The following RELCH variants were observed in gnomAD, a reference collection of about 807,000 sequenced individuals.
RELCH encodes RAB11-binding protein RELCH.
In RELCH, 41 loss-of-function variants were observed where a neutral mutation model predicts 150.3. The ratio of observed to expected loss-of-function variants is 0.27; its 90% CI spans 0.21 to 0.35. The LOEUF (loss-of-function observed/expected upper bound fraction) is 0.35, where lower values mean the gene tolerates loss of function less well. Among genes scored for constraint, RELCH ranks in the 10% least tolerant of loss-of-function variants. The probability of loss-of-function intolerance (pLI) is 1.00; values close to 1 mark genes in which losing one functional copy is unlikely to be tolerated. For synonymous variants in RELCH, 478 were observed against 531.8 expected (o/e 0.90, Z 1.39); for missense variants, 1,092 against 1,467.8 (o/e 0.74, Z 4.18).
Position 62,287,449 on chromosome 18 carries a change from A to G in RELCH, c.3352A>G (p.Ser1118Gly), listed in dbSNP as rs373756962. The G allele has an allele frequency of 1.5e-5, 24 of 1,581,794 alleles. No homozygotes were observed. Among genetic ancestry groups the G allele is most frequent in the Non-Finnish European group, 1.9e-5 (22 of 1,152,176 alleles). ...TGCTACGCATCTTTTTGAAGCCTAC[A>G]GTGCACTTTCCTGTTGTTGTATCCT... The part of the protein sequence containing the change: ...DIATHLFEAY[S>G]ALSCCFISED... Residue 1118 changes from serine to glycine, a missense_variant, in exon 26 of 29, where the codon AGT (serine) becomes GGT (glycine). Around this residue, in one of 4 missense-constraint regions of RELCH, gnomAD observed 707 missense variants for 1,025.4 expected, o/e 0.69. Coordinates refer to ENST00000644646, the MANE Select transcript of RELCH (RefSeq NM_001346231.2).
At chr18:62,264,205 C>A in intron 17 of RELCH, 60 bp downstream of exon 17, 1 of 1,397,450 alleles carries the variant, frequency 7.2e-7, no homozygotes, top group Non-Finnish European at 9.7e-7. Context: ...TAGCCTTGGC[C>A]CTAAGAACAA....
chr18:62,239,325 G>A (rs2042025876), intron 10 of RELCH, among the ~76,000 whole-genome samples: 1 of 151,148 alleles, frequency 6.6e-6, no homozygotes, highest in Non-Finnish European at 1.5e-5. Flanking sequence ...ACAGAGGTGA[G>A]TAATCTTTTT....
At chr18:62,235,926 A>C (rs1344588057) in intron 10 of RELCH, among the ~76,000 whole-genome samples, 1 of 152,044 alleles carries the variant, frequency 6.6e-6, no homozygotes, top group Admixed American at 6.6e-5. Context: ...TCTTCTTTAC[A>C]ATATAGATGG....
chr18:62,279,625 C>T, intron 22 of RELCH, 149 bp from the exon 23 acceptor site: 1 of 573,382 alleles, frequency 1.7e-6, no homozygotes, highest in Non-Finnish European at 3.1e-6. Flanking sequence ...GTAAAGCACT[C>T]TAGCAGCAGT....
chr18:62,283,820 A>G lies in RELCH; in HGVS notation c.3253+1376A>G, dbSNP rs73462481. On this transcript the variant is annotated intron_variant, in intron 25 of 28. Transcript: ENST00000644646. The stretch of plus-strand genomic sequence containing the variant: ...TAGTTGCTCTGAGGCAAGGAGACCA[A>G]CTCTTGGCTGCTGGATTAAAGGATA... Among the ~76,000 whole-genome samples, 397 of 152,184 alleles carry G rather than the reference A, an allele frequency of 2.6e-3. 1 individual carries two copies. The highest frequency in any genetic ancestry group is 8.2e-3 in the African/African-American group (340 of 41,500).
At chr18:62,273,948 G>T in intron 20 of RELCH, 32 bp from the exon 21 acceptor site, 1 of 1,316,378 alleles carries the variant, frequency 7.6e-7, no homozygotes, top group South Asian at 1.2e-5. Flanking sequence ...TTGATTGTTT[G>T]GAAATTCAGT....
intron 25 of RELCH, among the ~76,000 whole-genome samples, chr18:62,283,525 C>G (rs563853496): frequency 6.6e-6 from 1 of 152,252 alleles, no homozygotes; most frequent in East Asian, 1.9e-4. Context: ...GCATATGACT[C>G]TTTAAGATAA....
At chr18:62,276,528 G>A (rs1260062062) in intron 22 of RELCH, among the ~76,000 whole-genome samples, 1 of 151,746 alleles carries the variant, frequency 6.6e-6, no homozygotes, top group Non-Finnish European at 1.5e-5. Context: ...AACTAAAATT[G>A]CCCCAATATT....
intron 27 of RELCH, among the ~76,000 whole-genome samples, chr18:62,297,774 T>C (rs1422376404): frequency 6.6e-6 from 1 of 152,182 alleles, no homozygotes; most frequent in African/African-American, 2.4e-5. Flanking sequence ...CTTCTTTCCT[T>C]AGGACATGGC....
chr18:62,262,156 T>C (rs943656243), intron 16 of RELCH, among the ~76,000 whole-genome samples: 1 of 152,102 alleles, frequency 6.6e-6, no homozygotes, highest in African/African-American at 2.4e-5. Flanking sequence ...TTTGTGTTTT[T>C]CCAAAGAAGA....
intron 27 of RELCH, among the ~76,000 whole-genome samples, chr18:62,296,288 T>C (rs1189375906): frequency 6.6e-6 from 1 of 152,188 alleles, no homozygotes; most frequent in Non-Finnish European, 1.5e-5. Flanking sequence ...GAAAGACGCG[T>C]TGAAAGTTAC....
intron 1 of RELCH, among the ~76,000 whole-genome samples, chr18:62,209,793 G>C (rs1486811717): frequency 6.6e-6 from 1 of 151,900 alleles, no homozygotes; most frequent in Admixed American, 6.6e-5. Flanking sequence ...TAATTTCTTT[G>C]GACAATGTTT....
intron 27 of RELCH, among the ~76,000 whole-genome samples, chr18:62,295,023 T>G (rs539871230): frequency 6.6e-6 from 1 of 152,338 alleles, no homozygotes; most frequent in South Asian, 2.1e-4. Context: ...AGTTGTCTTG[T>G]TTAAAAGTCC....
chr18:62,255,546 C>G, intron 13 of RELCH, 68 bp downstream of exon 13: 1 of 1,113,060 alleles, frequency 9.0e-7, no homozygotes, highest in Middle Eastern at 2.0e-4. Context: ...TTTTGAGTGT[C>G]TTATAGATTT....
At chr18:62,215,280 T>G (rs780669407) in intron 2 of RELCH, among the ~76,000 whole-genome samples, 3 of 152,114 alleles carry the variant, frequency 2.0e-5, no homozygotes, top group East Asian at 1.9e-4. Context: ...AGAAGAAGAA[T>G]AAAGAGACAT....
chr18:62,234,672 A>C (rs896432817), intron 10 of RELCH, among the ~76,000 whole-genome samples: 2 of 151,974 alleles, frequency 1.3e-5, no homozygotes, highest in African/African-American at 4.8e-5. Context: ...AAAAATGTAC[A>C]ATGAAAATTC....
intron 12 of RELCH, among the ~76,000 whole-genome samples, chr18:62,253,083 A>G (rs769141461): frequency 1.6e-4 from 25 of 152,286 alleles, no homozygotes; most frequent in South Asian, 4.1e-4. Context: ...AGTAATTTAT[A>G]TTATGAAGAA....
rs376363042 is a variant in RELCH at position 62,293,007 on chromosome 18, C to A, written c.3459+1376C>A. 2.7e-4 allele frequency among the ~76,000 whole-genome samples: 41 copies of A among 152,250 alleles called. No homozygotes were observed. The East Asian group carries it at 3.3e-3, about 12-fold the overall frequency. On this transcript the variant is annotated intron_variant, in intron 27 of 28. Coordinates refer to ENST00000644646, the MANE Select transcript of RELCH (RefSeq NM_001346231.2). ...ACATACAAGGCCTTTTATCATCTGA[C>A]ACCTGTTCATCTTGATAGTTTCATC...
intron 5 of RELCH, among the ~76,000 whole-genome samples, chr18:62,222,772 C>T (rs75983243): frequency 0.087 from 13,151 of 151,994 alleles, 652 homozygotes; most frequent in Middle Eastern, 0.17. Flanking sequence ...TGAATACATA[C>T]TCTTTAAATT....
Sources: gnomAD v4.1 joint callset for allele counts (sites outside exome capture counted in the v4.1 genomes callset) on GRCh38, gnomAD v4.1.1 for gene constraint, gnomAD v4.1.1 regional missense constraint, MANE v1.5 for transcripts, NCBI Gene and HGNC (gene_info 2026-07-23, HGNC 2026-07-21) for gene names.